The following SLC61A1 variants were observed in gnomAD, a reference collection of about 807,000 sequenced individuals.
The protein encoded by SLC61A1 is solute carrier family 61 member 1, also known as major facilitator superfamily domain containing 5.
At chr12:53,252,212 G>A in the SLC61A1 span, 1 of 1,415,182 alleles carries the variant, frequency 7.1e-7, no homozygotes, top group African/African-American at 1.5e-5. Context: ...CGGGGAGGGT[G>A]GCCTGGCGGC....
At chr12:53,253,127 C>T in the SLC61A1 span, 1 of 1,614,254 alleles carries the variant, frequency 6.2e-7, no homozygotes, top group Non-Finnish European at 8.5e-7. Flanking sequence ...GGCCTCCTCC[C>T]TTGTGGATTG....
At chr12:53,253,073 C>T in the SLC61A1 span, 2 of 1,614,160 alleles carry the variant, frequency 1.2e-6, no homozygotes, top group Non-Finnish European at 1.7e-6. Context: ...AATTGCCATC[C>T]TCTATGTCTG....
At chr12:53,253,753 G>A in the SLC61A1 span, 3 of 1,614,118 alleles carry the variant, frequency 1.9e-6, no homozygotes, top group African/African-American at 1.3e-5. Flanking sequence ...CCTCCAAGAG[G>A]TACCACCTTC....
the SLC61A1 span, chr12:53,252,542 C>T: frequency 5.8e-6 from 8 of 1,369,714 alleles, no homozygotes; most frequent in Non-Finnish European, 7.5e-6. Context: ...TTTGCGGGAG[C>T]GGGATTATTG....
the SLC61A1 span, chr12:53,251,967 G>T: frequency 6.6e-7 from 1 of 1,509,988 alleles, no homozygotes. Context: ...CAGGCCAGGA[G>T]AAGCAACCGC....
the SLC61A1 span, chr12:53,252,547 T>G: frequency 7.3e-7 from 1 of 1,368,894 alleles, no homozygotes; most frequent in Non-Finnish European, 9.4e-7. Flanking sequence ...GGGAGCGGGA[T>G]TATTGAAAGG....
At chr12:53,253,766 C>T in the SLC61A1 span, 5 of 1,614,058 alleles carry the variant, frequency 3.1e-6, no homozygotes, top group East Asian at 4.5e-5. Context: ...CCACCTTCAG[C>T]CCATGCACCT....
the SLC61A1 span, chr12:53,251,952 G>A: frequency 1.3e-6 from 2 of 1,536,928 alleles, no homozygotes; most frequent in African/African-American, 1.4e-5. Flanking sequence ...GGCAGCGAGC[G>A]AGGCCAGGCC....
At chr12:53,252,793 C>A in the SLC61A1 span, 1 of 1,607,604 alleles carries the variant, frequency 6.2e-7, no homozygotes. Flanking sequence ...ATGGATATGG[C>A]TCTGACTCCC....
chr12:53,251,313 G>C, the SLC61A1 span: 1 of 172,026 alleles, frequency 5.8e-6, no homozygotes, highest in African/African-American at 2.4e-5. Flanking sequence ...AGTCAGAGGA[G>C]TGGCAGAGGG....
the SLC61A1 span, chr12:53,251,987 T>C: frequency 2.2e-5 from 28 of 1,290,458 alleles, no homozygotes; most frequent in East Asian, 1.0e-3. Context: ...CAGCCTCCTA[T>C]GGTCGCCCCT....
At chr12:53,253,519 G>A in the SLC61A1 span, 3 of 1,614,170 alleles carry the variant, frequency 1.9e-6, no homozygotes, top group East Asian at 4.5e-5. Flanking sequence ...ACTATGACCG[G>A]CAGCGTGCCT....
the SLC61A1 span, chr12:53,253,833 C>T: frequency 6.2e-7 from 1 of 1,614,212 alleles, no homozygotes; most frequent in Non-Finnish European, 8.5e-7. Context: ...ACTTTCTCTA[C>T]CAGCCCAGGC....
At chr12:53,253,075 C>G in the SLC61A1 span, 10 of 1,614,162 alleles carry the variant, frequency 6.2e-6, no homozygotes, top group Middle Eastern at 1.6e-4. Context: ...TTGCCATCCT[C>G]TATGTCTGTG....
At chr12:53,252,356 G>A in the SLC61A1 span, 22 of 1,340,022 alleles carry the variant, frequency 1.6e-5, no homozygotes, top group Non-Finnish European at 2.1e-5. Context: ...TGACCTGGAG[G>A]AGTGGGCCTC....
chr12:53,252,233 A>G, the SLC61A1 span: 2 of 1,412,814 alleles, frequency 1.4e-6, no homozygotes, highest in Admixed American at 6.5e-5. Flanking sequence ...CTGGAGCCGG[A>G]CGTGTCCGGG....
the SLC61A1 span, chr12:53,251,633 CAG>C: frequency 7.9e-7 from 1 of 1,259,642 alleles, no homozygotes; most frequent in Non-Finnish European, 1.1e-6. Context: ...TGGTAAGTGA[CAG>C]GGGCAGGACT....
At chr12:53,251,619 C>CAGCT in the SLC61A1 span, 1 of 1,145,280 alleles carries the variant, frequency 8.7e-7, no homozygotes, top group African/African-American at 1.6e-5. Flanking sequence ...CAAGGCCACA[C>CAGCT]AGCTGGTAAG....
the SLC61A1 span, chr12:53,251,484 G>T: frequency 0.023 from 11,661 of 511,000 alleles, 225 homozygotes; most frequent in East Asian, 0.069. Flanking sequence ...AGAAGGTAGG[G>T]AATTAAGCTC....
Sources: allele counts gnomAD v4.1 joint callset, GRCh38; gene constraint gnomAD v4.1.1; transcripts MANE v1.5; gene names NCBI Gene and HGNC (gene_info 2026-07-23, HGNC 2026-07-21).